CNKSR2: variants seen among roughly 807,000 people sequenced by gnomAD.
The protein encoded by CNKSR2 is CNK homolog protein 2.
CNKSR2 carries 14 observed loss-of-function variants against 84.4 expected under a neutral mutation model. The observed-to-expected ratio is 0.17, with a 90% CI of 0.11 to 0.26. The LOEUF (loss-of-function observed/expected upper bound fraction) is 0.26. Among genes scored for constraint, CNKSR2 ranks in the 10% least tolerant of loss-of-function variants. CNKSR2 has a pLI of 1.00. For synonymous variants in CNKSR2, 275 were observed against 277.9 expected (o/e 0.99, Z 0.10); for missense variants, 485 against 771.2 (o/e 0.63, Z 4.40).
intron 4 of CNKSR2, among the ~76,000 whole-genome samples, chrX:21,451,614 C>T (rs1010976664): frequency 2.9e-4 from 29 of 99,514 alleles, no homozygotes; most frequent in Non-Finnish European, 4.6e-4. Flanking sequence ...AACCAAACAC[C>T]GCATGTTCTC....
At chrX:21,575,529 TA>T (rs1253600241) in intron 13 of CNKSR2, among the ~76,000 whole-genome samples, 1 of 111,497 alleles carries the variant, frequency 9.0e-6, no homozygotes, top group Non-Finnish European at 1.9e-5. Flanking sequence ...TTTTTCCTGC[TA>T]CTCACAACCA....
In CNKSR2 at chrX:21,609,317, G is replaced by T; in HGVS notation, c.2392G>T (p.Ala798Ser). Residue 798 changes from alanine (A) to serine (S), a missense_variant, in exon 20 of 22, where the codon GCG (alanine) becomes TCG (serine). Ala to Ser is a moderately conservative substitution (Grantham distance 99). This residue lies in a region of CNKSR2 where 210 missense variants were observed against 291.5 expected (regional missense o/e 0.72). Coordinates refer to ENST00000379510, the MANE Select transcript of CNKSR2 (RefSeq NM_014927.5). Reference sequence around the variant, plus strand: ...GGAGGATTCTGTCTTCTCTGACTCCGCGGCCATCTCCCCAGAGCACAGGCG... The same window carrying T: ...GGAGGATTCTGTCTTCTCTGACTCCTCGGCCATCTCCCCAGAGCACAGGCG... ...PLEDSVFSDSAAISPEHRRQS... is the reference protein window; with the variant it reads ...PLEDSVFSDSSAISPEHRRQS... 1.7e-6 allele frequency: 2 copies of T among 1,211,392 alleles called. No homozygotes were observed. Among genetic ancestry groups the T allele is most frequent in the Non-Finnish European group, 2.2e-6 (2 of 895,375 alleles).
chrX:21,404,250 A>C, intron 1 of CNKSR2, among the ~76,000 whole-genome samples: 1 of 111,462 alleles, frequency 9.0e-6, no homozygotes. Context: ...ATGAGATTTT[A>C]TCAGAAGCTA....
chrX:21,543,992 G>A (rs908830616), intron 11 of CNKSR2, among the ~76,000 whole-genome samples: 1 of 110,871 alleles, frequency 9.0e-6, no homozygotes, highest in African/African-American at 3.3e-5. Flanking sequence ...TGGCTAATTA[G>A]CAGAGTTCTT....
intron 8 of CNKSR2, chrX:21,504,656 A>G (rs1261570788): frequency 2.1e-5 from 6 of 282,902 alleles, no homozygotes; most frequent in African/African-American, 8.3e-5. Context: ...AATTGCTAGT[A>G]TGGTATATCT....
chrX:21,530,146 T>C (rs2091872600), intron 10 of CNKSR2, among the ~76,000 whole-genome samples: 1 of 111,585 alleles, frequency 9.0e-6, no homozygotes, highest in African/African-American at 3.2e-5. Flanking sequence ...GAAAGAAAAT[T>C]CTGCCTGGAT....
intron 1 of CNKSR2, chrX:21,423,189 A>C (rs184908568): frequency 9.0e-6 from 1 of 111,697 alleles, no homozygotes; most frequent in East Asian, 2.8e-4. Context: ...ACAAACAAAC[A>C]GTCTAGAGGT....
At chrX:21,625,878 ACCCGCAAATAC>A in intron 20 of CNKSR2, among the ~76,000 whole-genome samples, 1 of 111,843 alleles carries the variant, frequency 8.9e-6, no homozygotes, top group Non-Finnish European at 1.9e-5. Flanking sequence ...TTCAGCTTGT[ACCCGCAAATAC>A]TGAGATTTTG....
At chrX:21,530,503 G>C (rs1253724641) in intron 10 of CNKSR2, among the ~76,000 whole-genome samples, 1 of 110,809 alleles carries the variant, frequency 9.0e-6, no homozygotes, top group Non-Finnish European at 1.9e-5. Flanking sequence ...GGTATAATAG[G>C]AATTAATTAA....
At chrX:21,525,178 T>A (rs188225957) in intron 9 of CNKSR2, among the ~76,000 whole-genome samples, 1 of 111,151 alleles carries the variant, frequency 9.0e-6, no homozygotes. Context: ...AAATGCATCC[T>A]TAGAAATAAA....
rs1370628034 is a variant in CNKSR2, at chrX:21,375,093, C to T, written c.64+132C>T. The T allele has an allele frequency of 1.1e-5, 6 of 564,092 alleles. No individual in the cohort carries two copies. In the African/African-American group the frequency reaches 1.3e-4, roughly 13 times the overall value. 46.5% of individuals were successfully genotyped at this position (564,092 alleles called of 1,213,427 possible). A position where few individuals can be genotyped will look rare whatever the true frequency, so the allele number is the denominator to read the frequency against. On this transcript the variant is annotated intron_variant, in intron 1 of 21. Coordinates refer to ENST00000379510, the MANE Select transcript of CNKSR2 (RefSeq NM_014927.5). ...TGGCGGATCGTCGTACGCGTCGGGG[C>T]GGGGGTCCTCCAGGACTGGCAGGGG...
intron 20 of CNKSR2, among the ~76,000 whole-genome samples, chrX:21,639,552 T>A (rs756691334): frequency 1.1e-4 from 12 of 111,999 alleles, no homozygotes; most frequent in Non-Finnish European, 2.1e-4. Flanking sequence ...TTTGCCATAA[T>A]CTCAGTAGAC....
At chrX:21,622,763 A>G (rs1001846849) in intron 20 of CNKSR2, among the ~76,000 whole-genome samples, 1 of 111,773 alleles carries the variant, frequency 8.9e-6, no homozygotes, top group Non-Finnish European at 1.9e-5. Flanking sequence ...ACTTACATGT[A>G]TTGATCTCAT....
At chrX:21,491,119 T>G (rs1357471731) in intron 6 of CNKSR2, 3 of 111,642 alleles carry the variant, frequency 2.7e-5, no homozygotes, top group African/African-American at 9.7e-5. Context: ...ATTTTTTTAT[T>G]ATGTAATAAT....
Position 21,590,590 on chromosome X carries a change from C to A in CNKSR2, c.1627C>A (p.Leu543Met). Residue 543 changes from leucine to methionine, a missense_variant, in exon 14 of 22, where the codon CTG (leucine) becomes ATG (methionine). Transcript: ENST00000379510. ...ATTTCAGACATTTCAGCAGTCCTCA[C>A]TGCAGCACAAATCAAAGAAGAAAAA... is the stretch of plus-strand genomic sequence containing the variant. ...TLYHTFQQSS[L>M]QHKSKKKNKG... The A allele has an allele frequency of 8.3e-7, 1 of 1,209,209 alleles. No individual in the cohort carries two copies. The highest frequency in any genetic ancestry group is 1.1e-6 in the Non-Finnish European group (1 of 894,048).
intron 1 of CNKSR2, among the ~76,000 whole-genome samples, chrX:21,423,032 G>A (rs1293021387): frequency 9.0e-6 from 1 of 111,100 alleles, no homozygotes; most frequent in Admixed American, 9.5e-5. Flanking sequence ...AATTTGTATT[G>A]CCCTCCTGAA....
At chrX:21,640,360 A>G (rs1184303738) in intron 20 of CNKSR2, among the ~76,000 whole-genome samples, 2 of 111,840 alleles carry the variant, frequency 1.8e-5, no homozygotes, top group Non-Finnish European at 3.8e-5. Flanking sequence ...CTTGTGAAAC[A>G]AAGTGGTAGA....
At chrX:21,440,539 A>G (rs1482347614) in intron 3 of CNKSR2, among the ~76,000 whole-genome samples, 155 bp from the exon 4 acceptor site, 1 of 111,882 alleles carries the variant, frequency 8.9e-6, no homozygotes, top group Non-Finnish European at 1.9e-5. Context: ...TTTCTTTCAA[A>G]TCTTTCCTTA....
intron 13 of CNKSR2, among the ~76,000 whole-genome samples, chrX:21,581,278 C>G (rs1180049137): frequency 9.0e-6 from 1 of 111,660 alleles, no homozygotes; most frequent in Admixed American, 9.5e-5. Flanking sequence ...ACATGTGGTC[C>G]AAATCCCTGA....
Sources: gnomAD v4.1 joint callset for allele counts (sites outside exome capture counted in the v4.1 genomes callset) on GRCh38, gnomAD v4.1.1 for gene constraint, gnomAD v4.1.1 regional missense constraint, MANE v1.5 for transcripts, NCBI Gene and HGNC (gene_info 2026-07-23, HGNC 2026-07-21) for gene names.